The following SLC12A1 variants were observed in gnomAD, a reference collection of about 807,000 sequenced individuals.
SLC12A1 encodes the protein Na-K-2Cl cotransporter.
In SLC12A1, 89 loss-of-function variants were observed where a neutral mutation model predicts 130.4. The ratio of observed to expected loss-of-function variants is 0.68; its 90% CI spans 0.58 to 0.81. The LOEUF is 0.81. SLC12A1 is among the 40% of genes least tolerant of loss of function. The probability of loss-of-function intolerance (pLI) is 0.00; values close to 1 mark genes in which losing one functional copy is unlikely to be tolerated. For synonymous variants in SLC12A1, 499 were observed against 460.0 expected (o/e 1.08, Z -1.09); for missense variants, 1,310 against 1,336.4 (o/e 0.98, Z 0.31).
intron 17 of SLC12A1, among the ~76,000 whole-genome samples, chr15:48,259,905 T>G (rs952783384): frequency 1.2e-4 from 18 of 152,304 alleles, no homozygotes; most frequent in Non-Finnish European, 2.5e-4. Context: ...TATTCAAAAC[T>G]GGTGCTAGTA....
rs1476542356 is a variant in SLC12A1 at position 48,220,172 on chromosome 15, TAGATA to T, written c.421-461_421-457del. ...ATAGATAGATAGATAGATAGATAGA[TAGATA>T]GATAGATAAAATGAAGTACAGGGAG... is the stretch of plus-strand genomic sequence containing the variant. On this transcript the variant is annotated intron_variant, in intron 2 of 26. Coordinates refer to ENST00000380993, the MANE Select transcript of SLC12A1 (RefSeq NM_000338.3). 1.5e-3 allele frequency among the ~76,000 whole-genome samples: 228 copies of T among 149,090 alleles called. 1 individual carries two copies. The highest frequency in any genetic ancestry group is 5.4e-3 in the African/African-American group (219 of 40,508).
At chr15:48,253,003 T>C (rs927250000) in intron 15 of SLC12A1, among the ~76,000 whole-genome samples, 1 of 152,174 alleles carries the variant, frequency 6.6e-6, no homozygotes, top group African/African-American at 2.4e-5. Context: ...GATAAACAAT[T>C]GGATCTGAAC....
Position 48,239,647 on chromosome 15 carries a change from T to C in SLC12A1, c.1216-1868T>C, listed in dbSNP as rs183905911. On this transcript the variant is annotated intron_variant, in intron 9 of 26. Transcript: ENST00000380993. ...GCAAATAAAAACTAAGTTTTTGGGG[T>C]GTTTGTTTGTTGGTTTGTTTTGAGA... 4.9e-4 allele frequency among the ~76,000 whole-genome samples: 74 copies of C among 151,830 alleles called. 1 individual carries two copies. In the East Asian group the frequency reaches 0.014, roughly 29 times the overall value.
At chr15:48,235,957 C>A (rs1567314840) in intron 9 of SLC12A1, among the ~76,000 whole-genome samples, 2 of 152,102 alleles carry the variant, frequency 1.3e-5, no homozygotes, top group East Asian at 1.9e-4. Flanking sequence ...AGCCTTGTGG[C>A]CTTACCTGGT....
intron 8 of SLC12A1, among the ~76,000 whole-genome samples, chr15:48,234,588 C>CA (rs1292763541): frequency 1.3e-5 from 2 of 151,724 alleles, no homozygotes; most frequent in African/African-American, 4.8e-5. Flanking sequence ...ACTAAAAATA[C>CA]AAAAAATTAG....
At chr15:48,213,593 T>A (rs929814615) in intron 2 of SLC12A1, among the ~76,000 whole-genome samples, 9 of 149,890 alleles carry the variant, frequency 6.0e-5, no homozygotes, top group Non-Finnish European at 1.3e-4. Context: ...AAGCTCTGCC[T>A]CCCGGGTTCA....
intron 20 of SLC12A1, among the ~76,000 whole-genome samples, chr15:48,278,781 T>C (rs1289589059): frequency 1.3e-5 from 2 of 152,232 alleles, no homozygotes; most frequent in East Asian, 3.8e-4. Context: ...TGTGTTATGT[T>C]GATCTCTTCA....
chr15:48,288,430 C>G lies in SLC12A1; in HGVS notation c.2787C>G (p.Ile929Met). 1 of 1,537,168 alleles carries G rather than the reference C, an allele frequency of 6.5e-7. No individual in the cohort carries two copies. Among genetic ancestry groups the G allele is most frequent in the Non-Finnish European group, 8.8e-7 (1 of 1,131,688 alleles). Residue 929 changes from isoleucine (I) to methionine (M), a missense_variant, in exon 23 of 27, where the codon ATC (isoleucine) becomes ATG (methionine). Transcript: ENST00000380993. ...GGTTAACACTTCTTATCCCCTATAT[C>G]TTAACTCTCAGAAAAAAATGGAAAG... ...DGGLTLLIPY[I>M]LTLRKKWKDC...
chr15:48,234,174 C>A (rs763945682), intron 8 of SLC12A1, among the ~76,000 whole-genome samples: 1 of 152,068 alleles, frequency 6.6e-6, no homozygotes. Context: ...GGTATTTATG[C>A]ATGTGAGAAT....
At chr15:48,294,803 T>C (rs1204416675) in intron 24 of SLC12A1, among the ~76,000 whole-genome samples, 1 of 151,972 alleles carries the variant, frequency 6.6e-6, no homozygotes, top group Admixed American at 6.5e-5. Flanking sequence ...CATTTTCTGT[T>C]GTCTAGTGGG....
chr15:48,299,476 T>C (rs2042210244), intron 25 of SLC12A1, among the ~76,000 whole-genome samples: 4 of 152,234 alleles, frequency 2.6e-5, no homozygotes. Flanking sequence ...TCCCATAAGG[T>C]CAATTATATT....
intron 24 of SLC12A1, among the ~76,000 whole-genome samples, chr15:48,294,696 GA>G (rs1566859963): frequency 6.6e-6 from 1 of 152,106 alleles, no homozygotes; most frequent in Non-Finnish European, 1.5e-5. Context: ...CTAATTGGTA[GA>G]AATACATCAT....
rs764750282 is a variant in SLC12A1, at chr15:48,269,774, G to A, written c.2402+10G>A. 3 of 1,453,708 alleles carry A rather than the reference G, an allele frequency of 2.1e-6. No individual in the cohort carries two copies. The highest frequency in any genetic ancestry group is 2.3e-5 in the South Asian group (2 of 87,442). The allele number at this position is 1,453,708 out of a possible 1,614,324, so 90.1% of individuals were successfully genotyped here. A position where few individuals can be genotyped will look rare whatever the true frequency, so the allele number is the denominator to read the frequency against. Reference sequence around the variant, plus strand: ...ACGTGGGAATCATACAGTAAGTGATGGCTTTCAAGACGTGTTCTTGTTTAT... The same window carrying A: ...ACGTGGGAATCATACAGTAAGTGATAGCTTTCAAGACGTGTTCTTGTTTAT... On this transcript the variant is annotated intron_variant, in intron 19 of 26. Transcript: ENST00000380993.
intron 8 of SLC12A1, 64 bp downstream of exon 8, chr15:48,232,902 C>T (rs903686495): frequency 7.0e-5 from 66 of 944,194 alleles, no homozygotes; most frequent in Non-Finnish European, 1.0e-4. Context: ...CATCACCATC[C>T]CCATCAACCC....
Position 48,244,842 on chromosome 15 carries a change from G to C in SLC12A1, c.1390G>C (p.Gly464Arg). 1 of 1,613,904 alleles carries C rather than the reference G, an allele frequency of 6.2e-7. No individual in the cohort carries two copies. Among genetic ancestry groups the C allele is most frequent in the African/African-American group, 1.3e-5 (1 of 75,028 alleles). ...NCNGSAACGLGYDFSRCRHEP... is the reference protein window; with the variant it reads ...NCNGSAACGLRYDFSRCRHEP... Reference sequence around the variant, plus strand: ...CAATGGTTCAGCAGCATGTGGGTTGGGCTATGACTTCTCAAGATGTCGACA... The same window carrying C: ...CAATGGTTCAGCAGCATGTGGGTTGCGCTATGACTTCTCAAGATGTCGACA... Residue 464 changes from glycine to arginine, a missense_variant, in exon 11 of 27, where the codon GGC becomes CGC. Coordinates refer to ENST00000380993, the MANE Select transcript of SLC12A1 (RefSeq NM_000338.3).
chr15:48,246,818 G>A (rs1567320903), intron 11 of SLC12A1, 91 bp from the exon 12 acceptor site: 8 of 854,454 alleles, frequency 9.4e-6, no homozygotes, highest in East Asian at 7.2e-5. Context: ...TGAGAATGAA[G>A]CAGGGGGAAA....
intron 2 of SLC12A1, among the ~76,000 whole-genome samples, chr15:48,220,126 A>T (rs3050699): frequency 2.3e-5 from 1 of 43,188 alleles, no homozygotes; most frequent in Admixed American, 3.1e-4. Context: ...AAAAAAAAAA[A>T]AAAGGTAGAT....
intron 5 of SLC12A1, 166 bp from the exon 6 acceptor site, chr15:48,229,023 A>T: frequency 1.6e-6 from 1 of 639,606 alleles, no homozygotes; most frequent in East Asian, 2.8e-5. Flanking sequence ...AGTACCAAGA[A>T]GGGCTAAGTT....
intron 19 of SLC12A1, among the ~76,000 whole-genome samples, chr15:48,273,036 C>T (rs549175245): frequency 2.1e-5 from 3 of 142,140 alleles, no homozygotes; most frequent in Admixed American, 7.7e-5. Flanking sequence ...ACCTGGGAGA[C>T]GGAGGTTGCA....
Sources: allele counts gnomAD v4.1 joint callset (sites outside exome capture counted in the v4.1 genomes callset), GRCh38; gene constraint gnomAD v4.1.1; transcripts MANE v1.5; gene names NCBI Gene and HGNC (gene_info 2026-07-23, HGNC 2026-07-21).